Variants in ADGRB3 observed in about 807,000 individuals in gnomAD.
ADGRB3 encodes brain-specific angiogenesis inhibitor 3.
Under a neutral mutation model 193.4 loss-of-function variants are expected in ADGRB3, and 37 were observed. The observed-to-expected ratio is 0.19, with a 90% CI of 0.15 to 0.25. ADGRB3 has a LOEUF of 0.25. Ranked by LOEUF, ADGRB3 falls within the 10% of genes least tolerant of loss-of-function variation. The pLI is 1.00. For synonymous variants in ADGRB3, 690 were observed against 644.2 expected (o/e 1.07, Z -1.08); for missense variants, 1,637 against 1,852.9 (o/e 0.88, Z 2.14).
At chr6:69,053,447 A>G (rs1374279354) in intron 15 of ADGRB3, among the ~76,000 whole-genome samples, 1 of 152,236 alleles carries the variant, frequency 6.6e-6, no homozygotes, top group African/African-American at 2.4e-5. Context: ...GACTTCCATG[A>G]TAGCACATGA....
chr6:68,830,856 G>A (rs376454607), intron 3 of ADGRB3, among the ~76,000 whole-genome samples: 104 of 151,572 alleles, frequency 6.9e-4, no homozygotes, highest in African/African-American at 2.4e-3. Flanking sequence ...TAAAATCATG[G>A]TCTGCCACCT....
intron 17 of ADGRB3, among the ~76,000 whole-genome samples, chr6:69,102,775 A>G (rs1582462602): frequency 1.3e-5 from 2 of 152,356 alleles, no homozygotes; most frequent in Middle Eastern, 3.4e-3. Flanking sequence ...GAGTCCAGAT[A>G]CAACTGACCT....
chr6:69,022,867 A>G (rs1474393489), intron 13 of ADGRB3, among the ~76,000 whole-genome samples: 2 of 152,028 alleles, frequency 1.3e-5, no homozygotes, highest in East Asian at 3.8e-4. Flanking sequence ...TGACAAGGCA[A>G]GGGAATGGGA....
chr6:68,956,998 G>A (rs2150256976), intron 8 of ADGRB3, among the ~76,000 whole-genome samples, 189 bp downstream of exon 8: 1 of 152,232 alleles, frequency 6.6e-6, no homozygotes, highest in African/African-American at 2.4e-5. Flanking sequence ...CGTTCCATGT[G>A]AAATATTTGT....
intron 16 of ADGRB3, 105 bp from the exon 17 acceptor site, chr6:69,075,890 C>A: frequency 3.5e-6 from 3 of 848,138 alleles, no homozygotes; most frequent in South Asian, 1.7e-5. Context: ...GTATTTCTTA[C>A]CACAAGATAA....
chr6:69,149,001 A>G (rs1774586248), intron 17 of ADGRB3, among the ~76,000 whole-genome samples: 1 of 152,104 alleles, frequency 6.6e-6, no homozygotes, highest in African/African-American at 2.4e-5. Flanking sequence ...TATGGTCTCA[A>G]GATTGCCTAG....
intron 10 of ADGRB3, among the ~76,000 whole-genome samples, chr6:68,980,822 C>T (rs190445348): frequency 1.3e-5 from 2 of 151,236 alleles, no homozygotes; most frequent in South Asian, 2.1e-4. Context: ...AAGGCTGGAA[C>T]GTGACAAGTC....
chr6:68,906,659 T>C (rs1334391794), intron 3 of ADGRB3, among the ~76,000 whole-genome samples: 1 of 152,046 alleles, frequency 6.6e-6, no homozygotes, highest in South Asian at 2.1e-4. Context: ...TTTTAGACTT[T>C]TGCTAATCTG....
chr6:68,892,382 C>G (rs1766103680), intron 3 of ADGRB3, among the ~76,000 whole-genome samples: 1 of 152,166 alleles, frequency 6.6e-6, no homozygotes, highest in East Asian at 1.9e-4. Context: ...CTGGTCAAGG[C>G]CTTTGTGTTC....
At chr6:69,110,951 AAATT>A (rs1245299650) in intron 17 of ADGRB3, among the ~76,000 whole-genome samples, 4 of 152,202 alleles carry the variant, frequency 2.6e-5, no homozygotes, top group African/African-American at 7.2e-5. Flanking sequence ...TCATGAAAGG[AAATT>A]ACGTTTTTTC....
chr6:68,688,837 A>G (rs1420297582), intron 3 of ADGRB3, among the ~76,000 whole-genome samples: 3 of 152,166 alleles, frequency 2.0e-5, no homozygotes, highest in Non-Finnish European at 2.9e-5. Flanking sequence ...AGACCACAGG[A>G]CTTGATTGGA....
At chr6:69,125,525 A>T (rs1299253864) in intron 17 of ADGRB3, among the ~76,000 whole-genome samples, 1 of 152,142 alleles carries the variant, frequency 6.6e-6, no homozygotes, top group East Asian at 1.9e-4. Flanking sequence ...CAGGGCTGGA[A>T]GGGACTGTCT....
intron 17 of ADGRB3, among the ~76,000 whole-genome samples, chr6:69,145,156 G>A (rs1286755434): frequency 6.6e-6 from 1 of 152,072 alleles, no homozygotes; most frequent in Non-Finnish European, 1.5e-5. Context: ...AAGCATACTC[G>A]GCTTGCACTT....
chr6:69,171,869 T>C (rs1421987549), intron 17 of ADGRB3, among the ~76,000 whole-genome samples: 1 of 152,196 alleles, frequency 6.6e-6, no homozygotes, highest in Non-Finnish European at 1.5e-5. Flanking sequence ...TAATGCAGCT[T>C]GACGTTTGAT....
intron 17 of ADGRB3, among the ~76,000 whole-genome samples, chr6:69,194,139 C>T (rs189744335): frequency 1.3e-5 from 2 of 152,052 alleles, no homozygotes; most frequent in Admixed American, 1.3e-4. Context: ...ATTTCTAAAA[C>T]AAAATAAATT....
intron 11 of ADGRB3, among the ~76,000 whole-genome samples, chr6:69,009,290 T>C (rs1769862854): frequency 6.6e-6 from 1 of 151,952 alleles, no homozygotes; most frequent in Non-Finnish European, 1.5e-5. Flanking sequence ...AAAGAAAATA[T>C]CAGACTGTAT....
At chr6:69,330,622 A>T (rs780591616) in intron 23 of ADGRB3, 50 bp downstream of exon 23, 1 of 1,418,934 alleles carries the variant, frequency 7.0e-7, no homozygotes, top group South Asian at 1.3e-5. Context: ...AAAAAAAAAG[A>T]CTACTTTCTT....
chr6:69,382,271 C>T (rs1324268591), intron 30 of ADGRB3, among the ~76,000 whole-genome samples: 1 of 151,820 alleles, frequency 6.6e-6, no homozygotes, highest in East Asian at 1.9e-4. Flanking sequence ...CCCTAAGAAG[C>T]TCAATCATTA....
At chr6:69,151,153 C>G (rs1774667186) in intron 17 of ADGRB3, among the ~76,000 whole-genome samples, 1 of 152,182 alleles carries the variant, frequency 6.6e-6, no homozygotes, top group African/African-American at 2.4e-5. Context: ...TCCACTGGCT[C>G]CAAGCCCAGC....
Sources: gnomAD v4.1 joint callset for allele counts (sites outside exome capture counted in the v4.1 genomes callset) on GRCh38, gnomAD v4.1.1 for gene constraint, MANE v1.5 for transcripts, NCBI Gene and HGNC (gene_info 2026-07-23, HGNC 2026-07-21) for gene names.